The following SVOPL variants were observed in gnomAD, a reference collection of about 807,000 sequenced individuals.
SVOPL encodes the protein putative transporter SVOPL.
Under a neutral mutation model 61.0 loss-of-function variants are expected in SVOPL, and 60 were observed. That is an observed-to-expected ratio of 0.98 (90% confidence interval 0.80 to 1.22). SVOPL has a LOEUF of 1.22. Among genes scored for constraint, SVOPL ranks in the 50% most tolerant of loss-of-function variants. SVOPL has a pLI of 0.00. For synonymous variants in SVOPL, 279 were observed against 250.0 expected, an observed-to-expected ratio of 1.12 and a Z score of -1.09; for missense variants, 662 against 643.9, an observed-to-expected ratio of 1.03 and a Z score of -0.30.
intron 6 of SVOPL, among the ~76,000 whole-genome samples, chr7:138,657,675 G>A (rs951174931): frequency 6.6e-6 from 1 of 152,080 alleles, no homozygotes; most frequent in Non-Finnish European, 1.5e-5. Context: ...TGTTTCCTGG[G>A]GAATGTTTTA....
chr7:138,651,422 C>A (rs897012600), intron 7 of SVOPL, among the ~76,000 whole-genome samples: 4 of 152,182 alleles, frequency 2.6e-5, no homozygotes, highest in African/African-American at 7.2e-5. Flanking sequence ...CAAAAATAAA[C>A]ATGCACAGGC....
intron 8 of SVOPL, among the ~76,000 whole-genome samples, chr7:138,648,625 G>A (rs974122792): frequency 2.6e-5 from 4 of 151,448 alleles, no homozygotes; most frequent in South Asian, 2.1e-4. Context: ...GGAGAATGGC[G>A]TGAACCCGGG....
intron 4 of SVOPL, among the ~76,000 whole-genome samples, chr7:138,670,900 A>T (rs1802398012): frequency 6.6e-6 from 1 of 152,136 alleles, no homozygotes; most frequent in Admixed American, 6.5e-5. Context: ...CAGCATTCTA[A>T]TATATCAGGA....
At chr7:138,686,930 T>C (rs938194865) in intron 1 of SVOPL, among the ~76,000 whole-genome samples, 3 of 152,152 alleles carry the variant, frequency 2.0e-5, no homozygotes, top group African/African-American at 7.2e-5. Context: ...AGTGTATATA[T>C]TCTTTGTTTT....
chr7:138,647,448 A>T (rs894162086), intron 8 of SVOPL, among the ~76,000 whole-genome samples: 24 of 152,176 alleles, frequency 1.6e-4, no homozygotes, highest in African/African-American at 5.1e-4. Context: ...TGAGAGACAG[A>T]GTAGGACCTG....
Position 138,672,098 on chromosome 7 carries a change from A to T in SVOPL, c.194T>A (p.Ile65Asn). The T allele has an allele frequency of 6.4e-7, 1 of 1,551,600 alleles. No individual in the cohort carries two copies. ...AGGAGACACAACAGCTATCAACATG[A>T]TCTCCATGGCCTCAACCACCTTAAA... ...GSTGVVEAME[I>N]MLIAVVSPVI... Residue 65 changes from isoleucine to asparagine, a missense_variant, in exon 4 of 16, where the codon ATC (isoleucine) becomes AAC (asparagine). Transcript: ENST00000674285.
intron 9 of SVOPL, among the ~76,000 whole-genome samples, chr7:138,640,538 C>T (rs1800733506): frequency 2.0e-5 from 3 of 152,208 alleles, no homozygotes; most frequent in Non-Finnish European, 2.9e-5. Flanking sequence ...GCGTGAGCCA[C>T]TGCACCCAGC....
Position 138,596,422 on chromosome 7 carries a change from G to T in SVOPL, c.1462C>A (p.Leu488Ile). The T allele has an allele frequency of 6.2e-7, 1 of 1,613,702 alleles. No homozygotes were observed. Among genetic ancestry groups the T allele is most frequent in the South Asian group, 1.1e-5 (1 of 91,034 alleles). The change falls in exon 15 of 16, where the codon CTC (leucine) becomes ATC (isoleucine). Residue 488 changes from leucine to isoleucine, a missense_variant. Coordinates refer to ENST00000674285, the MANE Select transcript of SVOPL (RefSeq NM_001139456.2). ...TLPIETKGRA[L>I]QQIK ...GAGTTCCCTGCATCACTCACCTGGA[G>T]GGCCCGTCCTTTGGTTTCGATGGGG...
At chr7:138,642,848 A>AAAAAAAAAGAAG (rs1437306629) in intron 9 of SVOPL, among the ~76,000 whole-genome samples, 102 of 35,424 alleles carry the variant, frequency 2.9e-3, no homozygotes, top group African/African-American at 4.9e-3. Context: ...AAAAAAAAAA[A>AAAAAAAAAGAAG]AAGAAGAAAC....
intron 14 of SVOPL, among the ~76,000 whole-genome samples, chr7:138,600,927 G>A (rs1479162194): frequency 2.0e-5 from 3 of 152,094 alleles, no homozygotes; most frequent in African/African-American, 7.2e-5. Flanking sequence ...TACTACCAGA[G>A]GATTCAGCAA....
At chr7:138,632,964 A>AT (rs924126502) in intron 9 of SVOPL, among the ~76,000 whole-genome samples, 37 of 152,144 alleles carry the variant, frequency 2.4e-4, no homozygotes, top group African/African-American at 8.9e-4. Flanking sequence ...GACAATCAGA[A>AT]TTTTACAGCC....
intron 1 of SVOPL, among the ~76,000 whole-genome samples, chr7:138,697,112 T>C (rs1281994634): frequency 6.6e-6 from 1 of 152,188 alleles, no homozygotes; most frequent in African/African-American, 2.4e-5. Flanking sequence ...GGTGCATACC[T>C]GTAATCCCAG....
Position 138,675,751 on chromosome 7 carries a change from C to T in SVOPL, c.174+2683G>A, listed in dbSNP as rs543016203. 3.9e-5 allele frequency among the ~76,000 whole-genome samples: 6 copies of T among 152,244 alleles called. No individual in the cohort carries two copies. The East Asian group carries it at 5.8e-4, about 15-fold the overall frequency. ...CTCCCTCCTATGTATTTTTACCCTC[C>T]GGCCCAACACCATTGTTGAGTGGAC... On this transcript the variant is annotated intron_variant, in intron 3 of 15. Coordinates refer to ENST00000674285, the MANE Select transcript of SVOPL (RefSeq NM_001139456.2).
At chr7:138,659,423 C>T (rs544567658) in intron 6 of SVOPL, among the ~76,000 whole-genome samples, 54 of 151,048 alleles carry the variant, frequency 3.6e-4, no homozygotes, top group African/African-American at 9.5e-4. Context: ...ACCCAGGAGG[C>T]GGAGGTTGCA....
intron 1 of SVOPL, among the ~76,000 whole-genome samples, chr7:138,693,556 A>G (rs931436268): frequency 7.6e-6 from 1 of 131,146 alleles, no homozygotes; most frequent in African/African-American, 3.7e-5. Context: ...AAAGAAAGAA[A>G]GAAAGAAAGA....
intron 14 of SVOPL, chr7:138,597,252 A>AG (rs1798318484): frequency 1.6e-6 from 2 of 1,278,640 alleles, no homozygotes; most frequent in South Asian, 2.5e-5. Flanking sequence ...AAAGCTCTCT[A>AG]GAATCACAGA....
intron 1 of SVOPL, among the ~76,000 whole-genome samples, chr7:138,694,104 G>A (rs916584615): frequency 6.6e-6 from 1 of 152,192 alleles, no homozygotes; most frequent in Non-Finnish European, 1.5e-5. Context: ...GTGTAAATTG[G>A]TACAACCTTT....
intron 7 of SVOPL, among the ~76,000 whole-genome samples, chr7:138,654,673 A>T (rs1184907671): frequency 6.6e-6 from 1 of 151,288 alleles, no homozygotes; most frequent in East Asian, 1.9e-4. Flanking sequence ...TACTGTTGAG[A>T]CCTACTTCTC....
chr7:138,630,141 G>T lies in SVOPL; in HGVS notation c.790-19C>A. On this transcript the variant is annotated intron_variant, in intron 9 of 15. Transcript: ENST00000674285. ...TTTTTTCCTGGGGTAATGAAAAGGA[G>T]ACAGAACATACTCAGCAGCTTAAGG... The T allele has an allele frequency of 3.1e-6, 5 of 1,588,420 alleles. No individual in the cohort carries two copies. The highest frequency in any genetic ancestry group is 1.1e-5 in the South Asian group (1 of 90,498).
Sources: allele counts gnomAD v4.1 joint callset (sites outside exome capture counted in the v4.1 genomes callset), GRCh38; gene constraint gnomAD v4.1.1; transcripts MANE v1.5; gene names NCBI Gene and HGNC (gene_info 2026-07-23, HGNC 2026-07-21).